The following CLMN variants were observed in gnomAD, a reference collection of about 807,000 sequenced individuals.
CLMN encodes the protein calmin, also known as calmin (calponin-like, transmembrane).
In CLMN, 57 loss-of-function variants were observed where a neutral mutation model predicts 92.7. That is an observed-to-expected ratio of 0.61 (90% CI 0.50 to 0.77). The LOEUF (loss-of-function observed/expected upper bound fraction) is 0.77. Among genes scored for constraint, CLMN ranks in the 30% least tolerant of loss-of-function variants. The pLI is 0.00. For synonymous variants in CLMN, 466 were observed against 470.6 expected, an observed-to-expected ratio of 0.99 and a Z score of 0.13; for missense variants, 1,158 against 1,237.5, an observed-to-expected ratio of 0.94 and a Z score of 0.96.
intron 3 of CLMN, among the ~76,000 whole-genome samples, 192 bp downstream of exon 3, chr14:95,223,568 A>G (rs1236228536): frequency 1.3e-5 from 2 of 152,198 alleles, no homozygotes; most frequent in African/African-American, 4.8e-5. Flanking sequence ...ATTTTCTAAA[A>G]TACATTGGCT....
Position 95,202,854 on chromosome 14 carries a change from G to A in CLMN, c.2495C>T (p.Pro832Leu), listed in dbSNP as rs755584556. ...GTTGAGTACCTGATGGCTGTCCATGGGGTCATTCTCTTTGGTCTCCCTTTG... is the reference window on the plus strand; with the variant it reads ...GTTGAGTACCTGATGGCTGTCCATGAGGTCATTCTCTTTGGTCTCCCTTTG... ...HQQRETKEND[P>L]MDSHQSQESP... is the part of the protein sequence containing the mutation. Residue 832 changes from proline to leucine, a missense_variant, in exon 9 of 13, where the codon CCC becomes CTC. By Grantham distance (98) the Pro-to-Leu change is moderately conservative. Transcript: ENST00000298912. The A allele has an allele frequency of 4.5e-6, 7 of 1,538,662 alleles. No individual in the cohort carries two copies. Among genetic ancestry groups the A allele is most frequent in the Non-Finnish European group, 6.1e-6 (7 of 1,146,904 alleles).
At chr14:95,207,316 C>T (rs569026903) in intron 8 of CLMN, among the ~76,000 whole-genome samples, 4 of 152,222 alleles carry the variant, frequency 2.6e-5, no homozygotes, top group South Asian at 4.2e-4. Context: ...AATGGGGTCT[C>T]GCTTTGTTGC....
chr14:95,312,725 C>T (rs147909249), intron 1 of CLMN, among the ~76,000 whole-genome samples: 7 of 152,210 alleles, frequency 4.6e-5, no homozygotes, highest in Admixed American at 6.5e-5. Flanking sequence ...TAGAATCAGA[C>T]GTGGGATAAC....
In CLMN at chr14:95,184,509, A is replaced by G. The variant is rs145338567; in HGVS notation, c.*7055T>C. On this transcript the variant is annotated 3_prime_UTR_variant, in exon 13 of 13. Transcript: ENST00000298912. ...ACTGGTTGTCTTTTTCCCATAGACA[A>G]GAATGTTTTTTGGCATGTTGCTCCA... 32 of 152,350 alleles carry G rather than the reference A, an allele frequency of 2.1e-4. No individual in the cohort carries two copies. The East Asian group carries it at 5.8e-3, about 28-fold the overall frequency. The allele number at this position is 152,350 out of a possible 1,614,324, so 9.4% of individuals were successfully genotyped here.
chr14:95,301,453 C>A (rs1465603799), intron 1 of CLMN, among the ~76,000 whole-genome samples: 1 of 152,226 alleles, frequency 6.6e-6, no homozygotes, highest in Non-Finnish European at 1.5e-5. Flanking sequence ...AGAGGACCAT[C>A]CTGCTCCAAA....
rs1311795460 is a variant in CLMN at position 95,204,020 on chromosome 14, G to C, written c.1329C>G (p.Ser443=). The change falls in exon 9 of 13, where the codon TCC becomes TCG. Residue 443 remains serine, a synonymous_variant. Transcript: ENST00000298912. ...YKDPFCSKNL[S]LCFEGSPRVA... is the part of the protein sequence containing the mutation. ...CTCTTGGGCTCCCTTCAAAGCAAAG[G>C]GACAGGTTCTTACTGCAGAAAGGAT... 1 of 1,614,052 alleles carries C rather than the reference G, an allele frequency of 6.2e-7. No homozygotes were observed. The highest frequency in any genetic ancestry group is 1.3e-5 in the African/African-American group (1 of 74,910).
intron 1 of CLMN, among the ~76,000 whole-genome samples, chr14:95,283,907 A>G (rs1381878598): frequency 2.6e-5 from 4 of 152,258 alleles, no homozygotes; most frequent in African/African-American, 9.6e-5. Flanking sequence ...TGAAATTTGC[A>G]TAAGTAGCAA....
At chr14:95,215,883 C>A (rs948716068) in intron 4 of CLMN, 150 bp from the exon 5 acceptor site, 6 of 666,750 alleles carry the variant, frequency 9.0e-6, no homozygotes, top group African/African-American at 1.8e-5. Flanking sequence ...GTTTTTCTTA[C>A]TTACCCTGCC....
chr14:95,205,083 G>A (rs1182898233), intron 8 of CLMN, among the ~76,000 whole-genome samples: 1 of 152,226 alleles, frequency 6.6e-6, no homozygotes, highest in Admixed American at 6.5e-5. Flanking sequence ...TGCACCGATA[G>A]TGTGAATTGA....
rs74079807 is a variant in CLMN at position 95,317,508 on chromosome 14, C to T, written c.82+2203G>A. Among the ~76,000 whole-genome samples, 651 of 151,398 alleles carry T rather than the reference C, an allele frequency of 4.3e-3. 4 individuals carry two copies. The highest frequency in any genetic ancestry group is 0.015 in the African/African-American group (614 of 41,256). On this transcript the variant is annotated intron_variant, in intron 1 of 12. Coordinates refer to ENST00000298912, the MANE Select transcript of CLMN (RefSeq NM_024734.4). ...AACAGGTGAATGAATCATCAAACAG[C>T]GGGGCATCCATACCATGGAATAGTA...
intron 1 of CLMN, among the ~76,000 whole-genome samples, chr14:95,264,514 T>C (rs1899391106): frequency 6.6e-6 from 1 of 152,134 alleles, no homozygotes; most frequent in Non-Finnish European, 1.5e-5. Flanking sequence ...AATAAATGGC[T>C]AGTGTGTTTA....
intron 2 of CLMN, among the ~76,000 whole-genome samples, chr14:95,225,615 G>A (rs745541411): frequency 4.6e-5 from 7 of 152,326 alleles, no homozygotes; most frequent in East Asian, 1.9e-4. Flanking sequence ...CTCAGCTGGC[G>A]GCCCCTTTGT....
intron 4 of CLMN, 33 bp downstream of exon 4, chr14:95,221,658 C>T: frequency 1.3e-6 from 2 of 1,578,658 alleles, no homozygotes; most frequent in Non-Finnish European, 1.7e-6. Flanking sequence ...ACAGGACAAG[C>T]TTGTGTTAGC....
chr14:95,253,614 TTTG>T (rs1898876418), intron 1 of CLMN, among the ~76,000 whole-genome samples: 1 of 121,096 alleles, frequency 8.3e-6, no homozygotes, highest in African/African-American at 3.1e-5. Context: ...TTTTTGTTTT[TTTG>T]TTTTTTTTTT....
chr14:95,299,923 G>A (rs545711644), intron 1 of CLMN, among the ~76,000 whole-genome samples: 5 of 152,224 alleles, frequency 3.3e-5, no homozygotes, highest in African/African-American at 4.8e-5. Context: ...CCTATACCCT[G>A]AAAGAAACAG....
intron 2 of CLMN, among the ~76,000 whole-genome samples, chr14:95,226,034 A>G (rs1281171397): frequency 6.6e-6 from 1 of 152,150 alleles, no homozygotes; most frequent in Non-Finnish European, 1.5e-5. Flanking sequence ...GACACCCTAT[A>G]GGGGAGAGGG....
At chr14:95,207,123 T>C (rs1427600859) in intron 8 of CLMN, among the ~76,000 whole-genome samples, 1 of 152,192 alleles carries the variant, frequency 6.6e-6, no homozygotes, top group Non-Finnish European at 1.5e-5. Context: ...TATATATTTA[T>C]GGAGTATAAT....
At chr14:95,204,496 AAAAAC>A (rs1329886660) in intron 8 of CLMN, 33 bp from the exon 9 acceptor site, 1 of 1,526,496 alleles carries the variant, frequency 6.6e-7, no homozygotes, top group Non-Finnish European at 8.8e-7. Context: ...ACAAACAAAA[AAAAAC>A]AAAAGAACAA....
intron 2 of CLMN, among the ~76,000 whole-genome samples, chr14:95,228,621 C>T (rs1305368318): frequency 2.6e-5 from 4 of 152,256 alleles, no homozygotes; most frequent in Non-Finnish European, 4.4e-5. Flanking sequence ...GTGATTTCTT[C>T]TAAGAACCTT....
Sources: allele counts gnomAD v4.1 joint callset (sites outside exome capture counted in the v4.1 genomes callset), GRCh38; gene constraint gnomAD v4.1.1; transcripts MANE v1.5; gene names NCBI Gene and HGNC (gene_info 2026-07-23, HGNC 2026-07-21).